FTO: variants seen among roughly 807,000 people sequenced by gnomAD.
The protein encoded by FTO is FTO alpha-ketoglutarate dependent dioxygenase.
A neutral mutation model predicts 63.9 loss-of-function variants in FTO; 47 were observed. That is an observed-to-expected ratio of 0.74 (90% CI 0.58 to 0.94). The LOEUF (loss-of-function observed/expected upper bound fraction) is 0.94. Among genes scored for constraint, FTO ranks in the 40% least tolerant of loss-of-function variants. FTO has a pLI of 0.00. For synonymous variants in FTO, 207 were observed against 224.4 expected (o/e 0.92, Z 0.69); for missense variants, 562 against 618.1 (o/e 0.91, Z 0.96).
chr16:53,811,717 G>T (rs1038065720), intron 2 of FTO, among the ~76,000 whole-genome samples: 2 of 152,224 alleles, frequency 1.3e-5, no homozygotes, highest in South Asian at 4.1e-4. Flanking sequence ...ATCCACACTG[G>T]ATTTTTGCAG....
In FTO at chr16:53,764,475, CA is replaced by C. The variant is rs56906281; in HGVS notation, c.46-45649del. Among the ~76,000 whole-genome samples, 316 of 118,696 alleles carry C rather than the reference CA, an allele frequency of 2.7e-3. 2 individuals are homozygous for C. Among genetic ancestry groups the C allele is most frequent in the African/African-American group, 6.0e-3 (193 of 32,338 alleles). The allele number at this position is 118,696 out of a possible 152,430, so 77.9% of individuals were successfully genotyped here. Reference sequence around the variant, plus strand: ...TGAAACCCCATCTCTACTAAAAATACAAAAAAAAAAAAAAAAGAAAAGAGGG... The same window carrying C: ...TGAAACCCCATCTCTACTAAAAATACAAAAAAAAAAAAAAAGAAAAGAGGG... On this transcript the variant is annotated intron_variant, in intron 1 of 8. Transcript: ENST00000471389.
chr16:53,936,464 A>G (rs764221896), intron 8 of FTO, among the ~76,000 whole-genome samples: 1 of 152,246 alleles, frequency 6.6e-6, no homozygotes, highest in South Asian at 2.1e-4. Context: ...GTTACCATAC[A>G]CCTTTCTTTT....
chr16:53,806,268 T>C (rs1276633768), intron 1 of FTO, among the ~76,000 whole-genome samples: 1 of 152,210 alleles, frequency 6.6e-6, no homozygotes, highest in African/African-American at 2.4e-5. Flanking sequence ...ATACTGAATT[T>C]CATGTGAGGA....
chr16:54,028,652 C>G (rs1003968632), intron 8 of FTO, among the ~76,000 whole-genome samples: 3 of 152,288 alleles, frequency 2.0e-5, no homozygotes, highest in African/African-American at 7.2e-5. Flanking sequence ...GCATATCTTG[C>G]ACATTTATTC....
At chr16:54,003,370 T>G (rs1165513822) in intron 8 of FTO, among the ~76,000 whole-genome samples, 2 of 152,246 alleles carry the variant, frequency 1.3e-5, no homozygotes, top group Non-Finnish European at 1.5e-5. Flanking sequence ...TAAAAAGTAA[T>G]TTAATTTGTT....
intron 1 of FTO, among the ~76,000 whole-genome samples, chr16:53,748,369 T>G (rs2076696729): frequency 6.6e-6 from 1 of 152,202 alleles, no homozygotes; most frequent in Admixed American, 6.5e-5. Flanking sequence ...AGTGTATAGG[T>G]CTTTTACCTC....
chr16:53,847,371 G>A (rs2079657044), intron 4 of FTO, among the ~76,000 whole-genome samples: 1 of 152,118 alleles, frequency 6.6e-6, no homozygotes, highest in Admixed American at 6.5e-5. Flanking sequence ...TCACCTAATG[G>A]CTTTAAGACT....
chr16:53,940,038 A>G (rs2082490855), intron 8 of FTO, among the ~76,000 whole-genome samples: 1 of 151,948 alleles, frequency 6.6e-6, no homozygotes, highest in Non-Finnish European at 1.5e-5. Flanking sequence ...TCATATGGTA[A>G]TTCTGTGTCT....
In FTO at chr16:53,903,129, A is replaced by G. The variant is rs151124631; in HGVS notation, c.1239+14178A>G. On this transcript the variant is annotated intron_variant, in intron 7 of 8. Coordinates refer to ENST00000471389, the MANE Select transcript of FTO (RefSeq NM_001080432.3). ...TGTCTCTTACAAAATAAAAATAAAA[A>G]CAAAGTTATAAAAGCCTATGCTGTG... 2.3e-3 allele frequency among the ~76,000 whole-genome samples: 343 copies of G among 152,196 alleles called. 2 individuals are homozygous for G. Among genetic ancestry groups the G allele is most frequent in the Middle Eastern group, 6.8e-3 (2 of 294 alleles).
chr16:54,073,815 T>C (rs2085925635), intron 8 of FTO, among the ~76,000 whole-genome samples: 1 of 152,158 alleles, frequency 6.6e-6, no homozygotes. Flanking sequence ...TCTATAGATT[T>C]AAAGAATAAA....
At chr16:53,862,514 A>G (rs2080203647) in intron 4 of FTO, among the ~76,000 whole-genome samples, 1 of 144,436 alleles carries the variant, frequency 6.9e-6, no homozygotes, top group African/African-American at 2.6e-5. Context: ...TTCTTTGATT[A>G]TTCTTATATC....
intron 8 of FTO, among the ~76,000 whole-genome samples, chr16:54,066,616 AT>A (rs2085740690): frequency 6.6e-6 from 1 of 152,200 alleles, no homozygotes; most frequent in African/African-American, 2.4e-5. Flanking sequence ...GCCCATTGGT[AT>A]TGAAGGTGCT....
chr16:53,746,452 T>C (rs1057513148), intron 1 of FTO, among the ~76,000 whole-genome samples: 2 of 152,226 alleles, frequency 1.3e-5, no homozygotes, highest in Non-Finnish European at 2.9e-5. Flanking sequence ...ATTACCACAG[T>C]GTAGCCTGGA....
At position 53,911,332 on chromosome 16, in the gene FTO, G is replaced by A. The variant is rs1402797756; in HGVS notation, c.1239+22381G>A. 5 of 702,098 alleles carry A rather than the reference G, an allele frequency of 7.1e-6. No individual in the cohort carries two copies. The Admixed American group carries it at 8.0e-5, about 11-fold the overall frequency. The allele number at this position is 702,098 out of a possible 1,614,324, so 43.5% of individuals were successfully genotyped here. ...CGCAGAACAGTCAGTGGAACAGCCAGAGATAGCAGCGAGAGAGGTGAGAAG... is the reference window on the plus strand; with the variant it reads ...CGCAGAACAGTCAGTGGAACAGCCAAAGATAGCAGCGAGAGAGGTGAGAAG... On this transcript the variant is annotated intron_variant, in intron 7 of 8. Coordinates refer to ENST00000471389, the MANE Select transcript of FTO (RefSeq NM_001080432.3).
intron 8 of FTO, among the ~76,000 whole-genome samples, chr16:54,056,826 A>G (rs2085446753): frequency 6.6e-6 from 1 of 152,176 alleles, no homozygotes; most frequent in South Asian, 2.1e-4. Context: ...GTGAAATAAT[A>G]ATGTTTGTTG....
At chr16:53,704,146 T>C (rs1198217710), upstream of FTO, 1 of 1,549,402 alleles carries the variant, frequency 6.5e-7, no homozygotes, top group African/African-American at 1.4e-5. Context: ...GCGAGGGATC[T>C]ACGCAGCTTG....
intron 5 of FTO, among the ~76,000 whole-genome samples, chr16:53,878,168 C>T (rs1672499055): frequency 6.6e-6 from 1 of 151,944 alleles, no homozygotes; most frequent in African/African-American, 2.4e-5. Context: ...CGTGGTGGTG[C>T]ACATCTTTAA....
At chr16:53,889,871 T>A (rs558300691) in intron 7 of FTO, among the ~76,000 whole-genome samples, 1 of 152,188 alleles carries the variant, frequency 6.6e-6, no homozygotes, top group Admixed American at 6.5e-5. Context: ...ATAATACTTA[T>A]TAAGTACCAG....
chr16:53,945,768 A>C (rs1308230148), intron 8 of FTO, among the ~76,000 whole-genome samples: 1 of 152,182 alleles, frequency 6.6e-6, no homozygotes, highest in African/African-American at 2.4e-5. Flanking sequence ...TAGAACACCA[A>C]AGTTTAGCCT....
Sources: gnomAD v4.1 joint callset for allele counts (sites outside exome capture counted in the v4.1 genomes callset) on GRCh38, gnomAD v4.1.1 for gene constraint, MANE v1.5 for transcripts, NCBI Gene and HGNC (gene_info 2026-07-23, HGNC 2026-07-21) for gene names.